Variants in CEP350 observed in about 807,000 individuals in gnomAD.
CEP350 encodes centrosomal protein 350.
In CEP350, 126 loss-of-function variants were observed where a neutral mutation model predicts 331.8. The ratio of observed to expected loss-of-function variants is 0.38; its 90% CI spans 0.33 to 0.44. The LOEUF (loss-of-function observed/expected upper bound fraction) is 0.44, where lower values mean the gene tolerates loss of function less well. Among genes scored for constraint, CEP350 ranks in the 20% least tolerant of loss-of-function variants. The pLI, the probability that CEP350 is intolerant of heterozygous loss-of-function variation, is 1.00. For missense variants in CEP350, 3,406 were observed against 3,634.6 expected (o/e 0.94, Z 1.62); for synonymous variants, 1,200 against 1,259.5 (o/e 0.95, Z 1.00).
chr1:180,107,590 C>A (rs1028383464), intron 37 of CEP350, among the ~76,000 whole-genome samples: 2 of 152,190 alleles, frequency 1.3e-5, no homozygotes, highest in African/African-American at 2.4e-5. Context: ...ATCACTTGAA[C>A]CCGGGAGGTG....
chr1:180,098,377 G>C (rs1268711229), intron 36 of CEP350, among the ~76,000 whole-genome samples: 1 of 152,026 alleles, frequency 6.6e-6, no homozygotes, highest in African/African-American at 2.4e-5. Flanking sequence ...ATCTCGCTTT[G>C]TCACCTAGGC....
At position 179,996,990 on chromosome 1, in the gene CEP350, A is replaced by T. The variant is rs138170988; in HGVS notation, c.833A>T (p.His278Leu). Residue 278 changes from histidine (H) to leucine (L), a missense_variant, in exon 6 of 38, where the codon CAT (histidine) becomes CTT (leucine). This residue lies in a region of CEP350 where 1,857 missense variants were observed against 1,909.2 expected (regional missense o/e 0.97). Transcript: ENST00000367607. ...QRLDILKRRQHDVKLEKLKER... is the reference protein window; with the variant it reads ...QRLDILKRRQLDVKLEKLKER... ...TTAGATATTCTAAAGCGGCGACAAC[A>T]TGATGTCAAACTGGAAAAACTTAAG... 3.8e-4 allele frequency: 614 copies of T among 1,614,036 alleles called. 3 individuals carry two copies. In the African/African-American group the frequency reaches 6.8e-3, roughly 18 times the overall value.
Position 180,021,749 on chromosome 1 carries a change from TGTA to T in CEP350, c.3235+744_3235+746del, listed in dbSNP as rs1441001780. 7.9e-5 allele frequency among the ~76,000 whole-genome samples: 12 copies of T among 152,328 alleles called. No homozygotes were observed. The South Asian group carries it at 8.3e-4, about 11-fold the overall frequency. On this transcript the variant is annotated intron_variant, in intron 12 of 37. Transcript: ENST00000367607. The stretch of plus-strand genomic sequence containing the variant: ...GCAATCAAGAATTGAGAGGGATAAA[TGTA>T]GTAACATTTCTAATATGAAAACAAC...
At chr1:179,970,956 G>A (rs1394777732) in intron 1 of CEP350, among the ~76,000 whole-genome samples, 2 of 152,004 alleles carry the variant, frequency 1.3e-5, no homozygotes, top group East Asian at 1.9e-4. Flanking sequence ...GAAATTTTCA[G>A]TGTACTTGTT....
chr1:180,048,850 C>T, intron 22 of CEP350, 145 bp downstream of exon 22: 1 of 672,426 alleles, frequency 1.5e-6, no homozygotes, highest in Non-Finnish European at 2.5e-6. Context: ...GGGAGAATTG[C>T]TTGAGCCTAG....
chr1:180,074,548 C>T (rs567514566), intron 27 of CEP350, among the ~76,000 whole-genome samples: 2 of 152,212 alleles, frequency 1.3e-5, no homozygotes, highest in East Asian at 1.9e-4. Flanking sequence ...AAAAAAGGGA[C>T]ATGAACATGT....
intron 19 of CEP350, among the ~76,000 whole-genome samples, chr1:180,042,587 A>G (rs9286932): frequency 0.57 from 86,436 of 152,090 alleles, 26,402 homozygotes; most frequent in East Asian, 0.72. Context: ...AGATTTCAAA[A>G]CACTTTAAGT....
chr1:180,025,044 C>G (rs971976026), intron 14 of CEP350, among the ~76,000 whole-genome samples: 5 of 151,914 alleles, frequency 3.3e-5, no homozygotes, highest in Admixed American at 3.3e-4. Flanking sequence ...CCTGCCTCAG[C>G]CTCCCGAGTA....
chr1:180,048,761 T>G, intron 22 of CEP350, 56 bp downstream of exon 22: 1 of 1,384,080 alleles, frequency 7.2e-7, no homozygotes, highest in Non-Finnish European at 1.0e-6. Flanking sequence ...AGAGGAAAGG[T>G]GATCCTTGTT....
rs1053739289 is a variant in CEP350, at chr1:180,057,324, C to T, written c.5262+2822C>T. On this transcript the variant is annotated intron_variant, in intron 25 of 37. Transcript: ENST00000367607. Reference sequence around the variant, plus strand: ...CCATGTTGGCCAGGCTGGTCTCGAGCCCCTGACCTCAGGTGATCCACCCAC... The same window carrying T: ...CCATGTTGGCCAGGCTGGTCTCGAGTCCCTGACCTCAGGTGATCCACCCAC... Among the ~76,000 whole-genome samples the T allele has an allele frequency of 2.0e-4, 30 of 151,970 alleles. 1 individual carries two copies. The highest frequency in any genetic ancestry group is 6.8e-4 in the African/African-American group (28 of 41,398).
At chr1:180,009,627 A>G (rs1654495006) in intron 8 of CEP350, among the ~76,000 whole-genome samples, 4 of 152,220 alleles carry the variant, frequency 2.6e-5, no homozygotes, top group Admixed American at 2.0e-4. Flanking sequence ...AGATGCCAAC[A>G]TGTATAAATT....
At chr1:180,091,204 G>C (rs868784365) in intron 33 of CEP350, among the ~76,000 whole-genome samples, 1 of 149,504 alleles carries the variant, frequency 6.7e-6, no homozygotes, top group African/African-American at 2.5e-5. Context: ...TTTAAGAGAC[G>C]GGGGGGTCTC....
In CEP350 at chr1:180,020,220, AG is replaced by A. The variant is rs748140244; in HGVS notation, c.2447del (p.Ser816ThrfsTer13). On this transcript the variant is annotated frameshift_variant, in exon 12 of 38. Coordinates refer to ENST00000367607, the MANE Select transcript of CEP350 (RefSeq NM_014810.5). LOFTEE classifies it high-confidence loss of function. Reference sequence around the variant, plus strand: ...AGATGCCTTGTTAAAACCTAGTGCCAGCCAATATAAGAGTAAACTGGATCGT... The same window carrying A: ...AGATGCCTTGTTAAAACCTAGTGCCACCAATATAAGAGTAAACTGGATCGT... ...YTDALLKPSA[S>X]QYKSKLDRIE... 1 of 1,614,046 alleles carries A rather than the reference AG, an allele frequency of 6.2e-7. No individual in the cohort carries two copies. The highest frequency in any genetic ancestry group is 1.7e-5 in the Admixed American group (1 of 60,028).
In CEP350 at chr1:180,014,124, A is replaced by C; in HGVS notation, c.1671A>C (p.Ser557=). ...DTVELQNQKS[S]APVHAPRSHS... The stretch of plus-strand genomic sequence containing the variant: ...TAGAGTTACAGAACCAGAAGTCATC[A>C]GCACCAGTACATGCTCCTAGGAGTC... Residue 557 remains serine, a synonymous_variant, in exon 10 of 38, where the codon TCA becomes TCC. Transcript: ENST00000367607. 1 of 1,610,682 alleles carries C rather than the reference A, an allele frequency of 6.2e-7. No homozygotes were observed. Among genetic ancestry groups the C allele is most frequent in the Non-Finnish European group, 8.5e-7 (1 of 1,178,354 alleles).
At chr1:180,037,241 G>A (rs563615397) in intron 17 of CEP350, 152 bp downstream of exon 17, 65 of 506,512 alleles carry the variant, frequency 1.3e-4, no homozygotes, top group Admixed American at 2.1e-4. Context: ...AAAATCTGTC[G>A]GGACACTAAA....
chr1:180,058,547 C>T (rs1657996651), intron 25 of CEP350, among the ~76,000 whole-genome samples: 1 of 152,134 alleles, frequency 6.6e-6, no homozygotes, highest in Admixed American at 6.5e-5. Context: ...AAATGATACA[C>T]TTCTGGGGAA....
chr1:180,038,666 G>A (rs1274989234), intron 17 of CEP350, among the ~76,000 whole-genome samples: 1 of 152,058 alleles, frequency 6.6e-6, no homozygotes, highest in South Asian at 2.1e-4. Flanking sequence ...TATTTATTGA[G>A]CATTCTTTTG....
chr1:180,052,667 A>AT (rs1237243561), intron 22 of CEP350, among the ~76,000 whole-genome samples: 2 of 151,946 alleles, frequency 1.3e-5, no homozygotes, highest in Non-Finnish European at 2.9e-5. Context: ...AAAGCATCTG[A>AT]TCTGGCCTTT....
chr1:180,108,435 G>C (rs1166815651), intron 37 of CEP350, among the ~76,000 whole-genome samples: 3 of 152,176 alleles, frequency 2.0e-5, no homozygotes, highest in African/African-American at 7.2e-5. Context: ...GGGAGGTGGA[G>C]GTTACAGTGA....
Sources: allele counts gnomAD v4.1 joint callset (sites outside exome capture counted in the v4.1 genomes callset), GRCh38; gene constraint gnomAD v4.1.1; regional missense constraint gnomAD v4.1.1; transcripts MANE v1.5; gene names NCBI Gene and HGNC (gene_info 2026-07-23, HGNC 2026-07-21).